CASK: variants seen among roughly 807,000 people sequenced by gnomAD.
The protein encoded by CASK is calcium/calmodulin dependent serine protein kinase, also known as peripheral plasma membrane protein CASK.
CASK carries 4 observed loss-of-function variants against 82.9 expected under a neutral mutation model. The observed-to-expected ratio is 0.05, with a 90% CI of 0.02 to 0.11. The LOEUF (loss-of-function observed/expected upper bound fraction) is 0.11, where lower values mean the gene tolerates loss of function less well. Among genes scored for constraint, CASK ranks in the 10% least tolerant of loss-of-function variants. The pLI, the probability that CASK is intolerant of heterozygous loss-of-function variation, is 1.00. For missense variants in CASK, 358 were observed against 720.9 expected (o/e 0.50, Z 5.76); for synonymous variants, 259 against 253.5 (o/e 1.02, Z -0.20).
At position 41,586,889 on chromosome X, in the gene CASK, A is replaced by T; in HGVS notation, c.1314+18T>A. ...GAAAGTGAGGTTTCAGTTCTATGGA[A>T]GTTTAATTATTACTTACCATGAAAT... is the stretch of plus-strand genomic sequence containing the variant. On this transcript the variant is annotated intron_variant, in intron 14 of 26. Coordinates refer to ENST00000378163, the MANE Select transcript of CASK (RefSeq NM_001367721.1). 9.6e-7 allele frequency: 1 copy of T among 1,043,739 alleles called. No individual in the cohort carries two copies. 86.0% of individuals were successfully genotyped at this position (1,043,739 alleles called of 1,213,427 possible).
chrX:41,880,608 T>C (rs1227674039), intron 1 of CASK, among the ~76,000 whole-genome samples: 1 of 111,815 alleles, frequency 8.9e-6, no homozygotes, highest in Non-Finnish European at 1.9e-5. Context: ...TTAAACCTTC[T>C]CTTCAGGCAG....
At chrX:41,767,204 A>G in intron 3 of CASK, among the ~76,000 whole-genome samples, 1 of 112,079 alleles carries the variant, frequency 8.9e-6, no homozygotes, top group Non-Finnish European at 1.9e-5. Context: ...GTCCACTTAT[A>G]TGCAGAATGT....
chrX:41,900,047 G>T lies in CASK; in HGVS notation c.59+22883C>A, dbSNP rs867990886. Among the ~76,000 whole-genome samples, 464 of 92,374 alleles carry T rather than the reference G, an allele frequency of 5.0e-3. 5 individuals are homozygous for T. The highest frequency in any genetic ancestry group is 0.011 in the Middle Eastern group (2 of 179). The allele number at this position is 92,374 out of a possible 115,157, so 80.2% of individuals were successfully genotyped here. A position where few individuals can be genotyped will look rare whatever the true frequency, so the allele number is the denominator to read the frequency against. The stretch of plus-strand genomic sequence containing the variant: ...ACATGGTTGGCAGGTTTTTTGTTTT[G>T]TTTTTTTTTTTTTTCTTTCAGCGCT... On this transcript the variant is annotated intron_variant, in intron 1 of 26. Coordinates refer to ENST00000378163, the MANE Select transcript of CASK (RefSeq NM_001367721.1).
chrX:41,530,104 T>G (rs2064778660), intron 25 of CASK, among the ~76,000 whole-genome samples: 1 of 111,390 alleles, frequency 9.0e-6, no homozygotes, highest in African/African-American at 3.3e-5. Flanking sequence ...TGGTTCTATT[T>G]CTAAGGGTTA....
intron 1 of CASK, among the ~76,000 whole-genome samples, chrX:41,892,301 T>C (rs867824465): frequency 2.9e-5 from 3 of 104,379 alleles, no homozygotes; most frequent in Non-Finnish European, 5.9e-5. Flanking sequence ...AAATATACAA[T>C]GCAACAGATA....
At chrX:41,677,421 A>C (rs1272822292) in intron 5 of CASK, among the ~76,000 whole-genome samples, 2 of 111,864 alleles carry the variant, frequency 1.8e-5, no homozygotes, top group African/African-American at 6.5e-5. Context: ...GCAGGAGGAA[A>C]ATCAGTTTGG....
chrX:41,612,092 C>A (rs1216048195), intron 11 of CASK, among the ~76,000 whole-genome samples: 1 of 112,321 alleles, frequency 8.9e-6, no homozygotes, highest in Non-Finnish European at 1.9e-5. Flanking sequence ...CCCAAAGTGC[C>A]GAGAGTGCAG....
chrX:41,654,809 A>C (rs751744315), intron 8 of CASK, among the ~76,000 whole-genome samples: 1 of 111,943 alleles, frequency 8.9e-6, no homozygotes, highest in South Asian at 3.8e-4. Context: ...AGGGATTCCA[A>C]ACAGGTTTGC....
chrX:41,615,261 C>T (rs1311571323), intron 11 of CASK, among the ~76,000 whole-genome samples: 1 of 111,811 alleles, frequency 8.9e-6, no homozygotes, highest in Non-Finnish European at 1.9e-5. Context: ...CAATCCACTT[C>T]CTTCTACCTG....
At chrX:41,665,081 A>G (rs1324919393) in intron 7 of CASK, among the ~76,000 whole-genome samples, 196 bp downstream of exon 7, 1 of 112,556 alleles carries the variant, frequency 8.9e-6, no homozygotes, top group Non-Finnish European at 1.9e-5. Flanking sequence ...CTCAGCTGAC[A>G]ATGACTCAGA....
intron 3 of CASK, among the ~76,000 whole-genome samples, chrX:41,772,992 G>A (rs1315531320): frequency 9.0e-6 from 1 of 111,436 alleles, no homozygotes; most frequent in African/African-American, 3.3e-5. Flanking sequence ...CAGGAGCAAA[G>A]CTCCATCTCA....
At chrX:41,679,490 T>C (rs2067317605) in intron 5 of CASK, among the ~76,000 whole-genome samples, 1 of 112,510 alleles carries the variant, frequency 8.9e-6, no homozygotes, top group Non-Finnish European at 1.9e-5. Context: ...TGTATGAATA[T>C]ATCAGTTTGT....
At chrX:41,768,133 G>A (rs922788151) in intron 3 of CASK, among the ~76,000 whole-genome samples, 1 of 111,541 alleles carries the variant, frequency 9.0e-6, no homozygotes, top group Non-Finnish European at 1.9e-5. Context: ...TTTGGCCACT[G>A]GACATGCTTT....
intron 2 of CASK, among the ~76,000 whole-genome samples, chrX:41,812,328 G>A (rs1429174814): frequency 8.9e-6 from 1 of 111,769 alleles, no homozygotes; most frequent in Non-Finnish European, 1.9e-5. Flanking sequence ...GAACATCGAT[G>A]CAAAAATCCT....
intron 12 of CASK, among the ~76,000 whole-genome samples, chrX:41,604,395 C>T (rs553782312): frequency 2.9e-5 from 3 of 103,072 alleles, no homozygotes; most frequent in Admixed American, 2.2e-4. Flanking sequence ...CAGACACACA[C>T]GCACAGAGAA....
At chrX:41,657,493 C>T (rs1296377940) in intron 8 of CASK, among the ~76,000 whole-genome samples, 1 of 111,650 alleles carries the variant, frequency 9.0e-6, no homozygotes, top group South Asian at 3.7e-4. Flanking sequence ...GTGGCAGTGT[C>T]TTTTGAATTA....
intron 1 of CASK, among the ~76,000 whole-genome samples, chrX:41,897,307 A>G (rs2072286587): frequency 8.9e-6 from 1 of 111,909 alleles, no homozygotes; most frequent in Non-Finnish European, 1.9e-5. Context: ...TGAGAGTTTT[A>G]TCATGAAAAG....
intron 12 of CASK, among the ~76,000 whole-genome samples, chrX:41,609,553 C>CTTT (rs564178433): frequency 1.0e-5 from 1 of 97,522 alleles, no homozygotes; most frequent in Non-Finnish European, 2.1e-5. Context: ...TATTCAATTT[C>CTTT]TTTTTTTTTT....
At chrX:41,798,706 A>G (rs1363594267) in intron 2 of CASK, among the ~76,000 whole-genome samples, 1 of 112,502 alleles carries the variant, frequency 8.9e-6, no homozygotes, top group Non-Finnish European at 1.9e-5. Context: ...GTGGTAGCAC[A>G]TGCCTGTAAT....
Sources: allele counts gnomAD v4.1 joint callset (sites outside exome capture counted in the v4.1 genomes callset), GRCh38; gene constraint gnomAD v4.1.1; transcripts MANE v1.5; gene names NCBI Gene and HGNC (gene_info 2026-07-23, HGNC 2026-07-21).